Variants in ZNF385D observed in about 807,000 individuals in gnomAD.
The protein encoded by ZNF385D is zinc finger protein 385D, also known as zinc finger protein 659.
In ZNF385D, 15 loss-of-function variants were observed where a neutral mutation model predicts 35.8. The observed-to-expected ratio is 0.42, with a 90% CI of 0.28 to 0.64. The LOEUF (loss-of-function observed/expected upper bound fraction) is 0.64. Among genes scored for constraint, ZNF385D ranks in the 30% least tolerant of loss-of-function variants. ZNF385D has a pLI of 0.23. For missense variants in ZNF385D, 474 were observed against 494.6 expected, an observed-to-expected ratio of 0.96 and a Z score of 0.39; for synonymous variants, 212 against 186.8, an observed-to-expected ratio of 1.13 and a Z score of -1.10.
At chr3:21,980,663 C>G (rs1414567208) in intron 3 of ZNF385D, among the ~76,000 whole-genome samples, 1 of 152,086 alleles carries the variant, frequency 6.6e-6, no homozygotes, top group African/African-American at 2.4e-5. Context: ...TTTCGTCATC[C>G]AGCTATTAAG....
chr3:22,128,656 A>G (rs932629283), intron 3 of ZNF385D, among the ~76,000 whole-genome samples: 2 of 152,096 alleles, frequency 1.3e-5, no homozygotes, highest in Admixed American at 1.3e-4. Flanking sequence ...TGCTGTTGAG[A>G]GACTCTGTTG....
chr3:21,506,962 T>TAGAG (rs3996205), intron 4 of ZNF385D, among the ~76,000 whole-genome samples: 109,216 of 151,362 alleles, frequency 0.72, 39,656 homozygotes, highest in East Asian at 0.83. Flanking sequence ...CTGGCATAAT[T>TAGAG]AGAGAAAAAG....
At chr3:22,259,454 AG>A (rs761209648) in intron 2 of ZNF385D, among the ~76,000 whole-genome samples, 1 of 151,968 alleles carries the variant, frequency 6.6e-6, no homozygotes, top group Non-Finnish European at 1.5e-5. Context: ...TCTTTCAAGT[AG>A]AATTGACATT....
intron 3 of ZNF385D, among the ~76,000 whole-genome samples, chr3:22,036,148 T>C (rs774543846): frequency 1.5e-4 from 23 of 152,282 alleles, no homozygotes; most frequent in Non-Finnish European, 2.8e-4. Flanking sequence ...AATGTGGTTA[T>C]AACAGTAGAA....
At chr3:21,460,785 G>A (rs903498733) in intron 4 of ZNF385D, among the ~76,000 whole-genome samples, 33 of 152,010 alleles carry the variant, frequency 2.2e-4, no homozygotes, top group African/African-American at 7.5e-4. Flanking sequence ...TCATAATGTA[G>A]AACTTTCTAC....
At chr3:21,762,163 C>T (rs756565766) in intron 3 of ZNF385D, among the ~76,000 whole-genome samples, 5 of 152,038 alleles carry the variant, frequency 3.3e-5, no homozygotes, top group Non-Finnish European at 5.9e-5. Context: ...AGGCGTGAGT[C>T]GCTGTGCTCA....
intron 1 of ZNF385D, among the ~76,000 whole-genome samples, chr3:21,724,514 A>AAAAAAAAAAAAT (rs2068677814): frequency 7.6e-6 from 1 of 131,842 alleles, no homozygotes; most frequent in African/African-American, 2.9e-5. Flanking sequence ...AAAAAAAAAA[A>AAAAAAAAAAAAT]AAAAGCAGGA....
At chr3:21,908,785 C>G (rs937500903) in intron 3 of ZNF385D, among the ~76,000 whole-genome samples, 1 of 151,914 alleles carries the variant, frequency 6.6e-6, no homozygotes, top group Non-Finnish European at 1.5e-5. Flanking sequence ...ATAACTAGTT[C>G]TTTAAAAAAA....
chr3:22,035,563 G>A (rs1022499305), intron 3 of ZNF385D, among the ~76,000 whole-genome samples: 2 of 152,140 alleles, frequency 1.3e-5, no homozygotes, highest in African/African-American at 4.8e-5. Context: ...CTGAGTGCTT[G>A]CTTAAGTAAT....
chr3:22,157,278 T>A (rs1705649095), intron 3 of ZNF385D, among the ~76,000 whole-genome samples: 1 of 152,152 alleles, frequency 6.6e-6, no homozygotes, highest in Non-Finnish European at 1.5e-5. Context: ...AGAATCACAT[T>A]AATTATACAC....
chr3:22,126,504 G>A (rs922387810), intron 3 of ZNF385D, among the ~76,000 whole-genome samples: 1 of 151,498 alleles, frequency 6.6e-6, no homozygotes, highest in Non-Finnish European at 1.5e-5. Context: ...ACTTCCTCTT[G>A]TTATTGGTTT....
intron 3 of ZNF385D, among the ~76,000 whole-genome samples, chr3:22,098,452 T>C (rs907759500): frequency 3.9e-5 from 6 of 152,082 alleles, no homozygotes; most frequent in African/African-American, 7.2e-5. Flanking sequence ...CTTCAATTCA[T>C]TGGAAGAAAA....
At position 21,864,990 on chromosome 3, in the gene ZNF385D, C is replaced by CTTTTT. The variant is rs3073906; in HGVS notation, c.326-199967_326-199963dup. Among the ~76,000 whole-genome samples the CTTTTT allele has an allele frequency of 5.0e-3, 565 of 112,142 alleles. 30 individuals carry two copies. Among genetic ancestry groups the CTTTTT allele is most frequent in the African/African-American group, 0.019 (533 of 28,234 alleles). The allele number at this position is 112,142 out of a possible 152,430, so 73.6% of individuals were successfully genotyped here. ...CAGCCAACCTACGTTTGGAACAATGCTTTTTTTTTTTTTCTTCCACTTTGC... is the reference window on the plus strand; with the variant it reads ...CAGCCAACCTACGTTTGGAACAATGCTTTTTTTTTTTTTTTTTTCTTCCACTTTGC... On this transcript the variant is annotated intron_variant, in intron 3 of 5. Transcript: ENST00000494108.
intron 3 of ZNF385D, among the ~76,000 whole-genome samples, chr3:21,902,881 A>G (rs919451690): frequency 1.3e-5 from 2 of 152,180 alleles, no homozygotes; most frequent in Admixed American, 6.5e-5. Context: ...CCCCTTTAGT[A>G]GGAGTAACTG....
intron 3 of ZNF385D, among the ~76,000 whole-genome samples, chr3:21,559,985 G>C (rs185026092): frequency 3.3e-5 from 5 of 152,024 alleles, no homozygotes; most frequent in Admixed American, 6.5e-5. Flanking sequence ...CGAAGTTCTC[G>C]TGCTGTATTT....
At chr3:21,564,412 A>G (rs1252336264) in intron 3 of ZNF385D, among the ~76,000 whole-genome samples, 162 bp downstream of exon 3, 1 of 152,228 alleles carries the variant, frequency 6.6e-6, no homozygotes, top group Non-Finnish European at 1.5e-5. Flanking sequence ...ACATAACATA[A>G]TAAACTCCAA....
intron 3 of ZNF385D, among the ~76,000 whole-genome samples, chr3:21,992,437 A>G (rs911237467): frequency 1.3e-5 from 2 of 152,168 alleles, no homozygotes; most frequent in African/African-American, 4.8e-5. Context: ...GCAAAATAGC[A>G]GTTTCAAATT....
chr3:22,007,577 G>A (rs910521129), intron 3 of ZNF385D, among the ~76,000 whole-genome samples: 1 of 152,098 alleles, frequency 6.6e-6, no homozygotes, highest in Non-Finnish European at 1.5e-5. Flanking sequence ...AATTCCTCCT[G>A]AGAGGGGTTC....
intron 1 of ZNF385D, among the ~76,000 whole-genome samples, chr3:21,738,312 G>T (rs547606108): frequency 6.6e-6 from 1 of 152,278 alleles, no homozygotes; most frequent in East Asian, 1.9e-4. Flanking sequence ...AGACATCTTG[G>T]GTATGATCTG....
Sources: allele counts gnomAD v4.1 joint callset (sites outside exome capture counted in the v4.1 genomes callset), GRCh38; gene constraint gnomAD v4.1.1; transcripts MANE v1.5; gene names NCBI Gene and HGNC (gene_info 2026-07-23, HGNC 2026-07-21).